The following UNC13C variants were observed in gnomAD, a reference collection of about 807,000 sequenced individuals.
The protein encoded by UNC13C is unc-13 homolog C.
UNC13C carries 174 observed loss-of-function variants against 245.4 expected under a neutral mutation model. The observed-to-expected ratio is 0.71, with a 90% CI of 0.63 to 0.80. The LOEUF is 0.80. Ranked by LOEUF, UNC13C falls within the 30% of genes least tolerant of loss-of-function variation. UNC13C has a pLI of 0.00. For missense variants in UNC13C, 2,829 were observed against 2,602.9 expected (o/e 1.09, Z -1.89); for synonymous variants, 992 against 895.1 (o/e 1.11, Z -1.93).
At chr15:54,305,248 A>C (rs1292541744) in intron 13 of UNC13C, among the ~76,000 whole-genome samples, 1 of 152,114 alleles carries the variant, frequency 6.6e-6, no homozygotes, top group Non-Finnish European at 1.5e-5. Context: ...TGCCAAAAAG[A>C]AAGTGAAAAT....
At chr15:54,075,665 T>C (rs1898575397) in intron 2 of UNC13C, among the ~76,000 whole-genome samples, 1 of 152,042 alleles carries the variant, frequency 6.6e-6, no homozygotes, top group Non-Finnish European at 1.5e-5. Flanking sequence ...TAAGTGATGG[T>C]TGTTAATACT....
the UNC13C span, among the ~76,000 whole-genome samples, chr15:53,854,122 G>GTTTTTTTTTTTTTTTT: frequency 3.0e-5 from 4 of 133,578 alleles, no homozygotes; most frequent in Admixed American, 7.7e-5. Context: ...GTTTTTATAG[G>GTTTTTTTTTTTTTTTT]TTTTTTTTTT....
At chr15:53,966,948 T>G in the UNC13C span, among the ~76,000 whole-genome samples, 12 of 152,094 alleles carry the variant, frequency 7.9e-5, no homozygotes, top group Admixed American at 7.9e-4. Context: ...GCATAATTCA[T>G]TTTACTTATT....
intron 30 of UNC13C, among the ~76,000 whole-genome samples, chr15:54,609,821 C>CT (rs1236659214): frequency 6.6e-6 from 1 of 152,122 alleles, no homozygotes; most frequent in Non-Finnish European, 1.5e-5. Context: ...TTCAGCATGG[C>CT]TGGGGAGGCC....
intron 4 of UNC13C, among the ~76,000 whole-genome samples, chr15:54,194,549 G>A (rs1303181066): frequency 6.6e-6 from 1 of 152,112 alleles, no homozygotes; most frequent in Non-Finnish European, 1.5e-5. Flanking sequence ...TATAGTTTGA[G>A]TCTGTGGATT....
chr15:54,052,412 C>A (rs1595774175), intron 2 of UNC13C, among the ~76,000 whole-genome samples: 2 of 150,760 alleles, frequency 1.3e-5, no homozygotes, highest in African/African-American at 4.9e-5. Context: ...TCCACATCCT[C>A]TCCAGCACCT....
intron 4 of UNC13C, among the ~76,000 whole-genome samples, chr15:54,161,299 G>A (rs1014993084): frequency 3.9e-5 from 6 of 151,966 alleles, no homozygotes; most frequent in Admixed American, 2.0e-4. Flanking sequence ...TAATAAACAG[G>A]GACATAAGGC....
the UNC13C span, among the ~76,000 whole-genome samples, chr15:53,842,175 A>G: frequency 6.6e-6 from 1 of 152,162 alleles, no homozygotes; most frequent in Admixed American, 6.5e-5. Flanking sequence ...ACATAGTGAA[A>G]AGAGTATTAG....
intron 2 of UNC13C, among the ~76,000 whole-genome samples, chr15:54,078,993 C>T (rs1019905908): frequency 1.2e-4 from 18 of 151,972 alleles, no homozygotes; most frequent in Non-Finnish European, 2.4e-4. Flanking sequence ...TTGTATATGG[C>T]GAGAGATGGG....
chr15:53,867,785 G>A, the UNC13C span, among the ~76,000 whole-genome samples: 7 of 152,078 alleles, frequency 4.6e-5, no homozygotes, highest in Admixed American at 2.6e-4. Flanking sequence ...ATTTTGCTAA[G>A]GTTTGCTCTT....
the UNC13C span, among the ~76,000 whole-genome samples, chr15:53,855,899 C>G: frequency 0.011 from 1,734 of 152,212 alleles, 28 homozygotes; most frequent in African/African-American, 0.039. Context: ...TGGTAGAATT[C>G]AGACCTGAGT....
At chr15:54,177,097 T>C (rs867833961) in intron 4 of UNC13C, among the ~76,000 whole-genome samples, 4 of 152,192 alleles carry the variant, frequency 2.6e-5, no homozygotes, top group South Asian at 2.1e-4. Context: ...AAAGGCATTC[T>C]GAAAAAAAGA....
chr15:54,556,713 T>C (rs1200156347), intron 29 of UNC13C, among the ~76,000 whole-genome samples: 1 of 150,620 alleles, frequency 6.6e-6, no homozygotes, highest in Non-Finnish European at 1.5e-5. Flanking sequence ...GGAGTTATAG[T>C]AGCACTAATA....
At chr15:54,631,290 T>C (rs1901452781), downstream of UNC13C, 1 of 152,206 alleles carries the variant, frequency 6.6e-6, no homozygotes, top group East Asian at 1.9e-4. Context: ...GAGGTTCCAG[T>C]GAGCCAAGAT....
At chr15:53,963,838 G>C in the UNC13C span, among the ~76,000 whole-genome samples, 5 of 152,280 alleles carry the variant, frequency 3.3e-5, no homozygotes, top group African/African-American at 1.2e-4. Flanking sequence ...ATTATCAGGG[G>C]AATTGAGTGC....
At chr15:54,249,941 C>T (rs1409534567) in intron 7 of UNC13C, among the ~76,000 whole-genome samples, 3 of 152,144 alleles carry the variant, frequency 2.0e-5, no homozygotes, top group Admixed American at 2.0e-4. Context: ...CTAATTAGAC[C>T]TGTGTGCTGC....
At chr15:54,240,611 CTGGCCATGGGTG>C (rs2035825837) in intron 7 of UNC13C, among the ~76,000 whole-genome samples, 1 of 152,188 alleles carries the variant, frequency 6.6e-6, no homozygotes, top group South Asian at 2.1e-4. Flanking sequence ...TAACGCTCTG[CTGGCCATGGGTG>C]AAGCATCGCC....
At chr15:53,904,829 GC>G in the UNC13C span, among the ~76,000 whole-genome samples, 1 of 152,128 alleles carries the variant, frequency 6.6e-6, no homozygotes, top group Non-Finnish European at 1.5e-5. Flanking sequence ...AAGTTACTTA[GC>G]CTTTATGATG....
intron 17 of UNC13C, among the ~76,000 whole-genome samples, chr15:54,358,262 A>G (rs1407936262): frequency 6.6e-6 from 1 of 152,058 alleles, no homozygotes; most frequent in Non-Finnish European, 1.5e-5. Context: ...TGATGCCTCC[A>G]GCTTCATTCT....
Sources: gnomAD v4.1 joint callset for allele counts (sites outside exome capture counted in the v4.1 genomes callset) on GRCh38, gnomAD v4.1.1 for gene constraint, MANE v1.5 for transcripts, NCBI Gene and HGNC (gene_info 2026-07-23, HGNC 2026-07-21) for gene names.